RARB: variants seen among roughly 807,000 people sequenced by gnomAD.
RARB encodes the protein HBV-activated protein.
RARB carries 17 observed loss-of-function variants against 51.9 expected under a neutral mutation model. That is an observed-to-expected ratio of 0.33 (90% CI 0.22 to 0.49). The LOEUF (loss-of-function observed/expected upper bound fraction) is 0.49. Ranked by LOEUF, RARB falls within the 20% of genes least tolerant of loss-of-function variation. The pLI, the probability that RARB is intolerant of heterozygous loss-of-function variation, is 0.99. For synonymous variants in RARB, 215 were observed against 195.4 expected (o/e 1.10, Z -0.84); for missense variants, 369 against 550.8 (o/e 0.67, Z 3.30).
At chr3:25,002,718 T>A (rs772952104) in intron 2 of RARB, among the ~76,000 whole-genome samples, 17 of 148,360 alleles carry the variant, frequency 1.1e-4, no homozygotes, top group Non-Finnish European at 2.1e-4. Flanking sequence ...AATCTATATA[T>A]GTGTCACATA....
intron 2 of RARB, among the ~76,000 whole-genome samples, chr3:24,864,910 A>G (rs1365222788): frequency 6.6e-6 from 1 of 152,146 alleles, no homozygotes; most frequent in East Asian, 1.9e-4. Flanking sequence ...ATTTGTAATA[A>G]CTTTCCAGGT....
chr3:25,035,926 G>A (rs188618026), intron 2 of RARB, among the ~76,000 whole-genome samples: 62 of 152,228 alleles, frequency 4.1e-4, no homozygotes, highest in Non-Finnish European at 7.2e-4. Flanking sequence ...GTAACTAAAT[G>A]GTGAACTGCC....
chr3:25,098,950 A>G (rs1330371814), intron 3 of RARB, among the ~76,000 whole-genome samples: 1 of 152,208 alleles, frequency 6.6e-6, no homozygotes, highest in Non-Finnish European at 1.5e-5. Flanking sequence ...AAGATATTTA[A>G]GATGCTGCAG....
chr3:25,378,806 T>C (rs1706541546), intron 5 of RARB, among the ~76,000 whole-genome samples: 1 of 152,186 alleles, frequency 6.6e-6, no homozygotes, highest in South Asian at 2.1e-4. Flanking sequence ...GATAAGAATG[T>C]GTGTCTTGGT....
Position 25,302,848 on chromosome 3 carries a change from T to A in RARB, c.178+128273T>A, listed in dbSNP as rs41514046. Among the ~76,000 whole-genome samples, 1,200 of 152,346 alleles carry A rather than the reference T, an allele frequency of 7.9e-3. 9 individuals carry two copies. The highest frequency in any genetic ancestry group is 0.028 in the African/African-American group (1,149 of 41,578). ...ATCAAACAAGGCCCTGTGAGTAAGG[T>A]TCCACTTATCCACACTTTTGTGGTT... is the stretch of plus-strand genomic sequence containing the variant. On this transcript the variant is annotated intron_variant, in intron 5 of 11. Transcript: ENST00000383772.
intron 3 of RARB, among the ~76,000 whole-genome samples, chr3:25,532,075 T>A (rs1012687712): frequency 6.6e-6 from 1 of 152,164 alleles, no homozygotes; most frequent in Admixed American, 6.5e-5. Flanking sequence ...CTTGACATGA[T>A]TTATTTTATT....
chr3:25,427,734 C>G (rs775378017), upstream of RARB, among the ~76,000 whole-genome samples: 1 of 152,200 alleles, frequency 6.6e-6, no homozygotes, highest in East Asian at 1.9e-4. Flanking sequence ...TTTCCCAACC[C>G]AAGCCTTTCC....
intron 5 of RARB, among the ~76,000 whole-genome samples, chr3:25,238,534 T>C (rs1702356669): frequency 6.6e-6 from 1 of 152,204 alleles, no homozygotes; most frequent in Admixed American, 6.5e-5. Flanking sequence ...AGGAATGGAA[T>C]TGCTGGATTG....
At chr3:25,023,124 T>TCC (rs1297103046) in intron 2 of RARB, among the ~76,000 whole-genome samples, 2 of 151,776 alleles carry the variant, frequency 1.3e-5, no homozygotes, top group African/African-American at 2.4e-5. Context: ...CAGTAAGGAG[T>TCC]CCCCTTTCTG....
At chr3:24,891,679 T>A (rs1396275320) in intron 2 of RARB, among the ~76,000 whole-genome samples, 1 of 152,090 alleles carries the variant, frequency 6.6e-6, no homozygotes, top group African/African-American at 2.4e-5. Flanking sequence ...CAGCCAAACA[T>A]GAACAGATGC....
At chr3:25,000,606 C>CT (rs1697139618) in intron 2 of RARB, among the ~76,000 whole-genome samples, 1 of 152,020 alleles carries the variant, frequency 6.6e-6, no homozygotes, top group Non-Finnish European at 1.5e-5. Flanking sequence ...CCCCTGGTCT[C>CT]TAAGAAAAAT....
rs1291771123 is a variant in RARB at position 25,267,341 on chromosome 3, A to T, written c.178+92766A>T. Among the ~76,000 whole-genome samples the T allele has an allele frequency of 2.0e-5, 3 of 152,250 alleles. No individual in the cohort carries two copies. In the East Asian group the frequency reaches 5.8e-4, roughly 29 times the overall value. On this transcript the variant is annotated intron_variant, in intron 5 of 11. Transcript: ENST00000383772. ...ATGGAAAGCCTTTAAATGTTAAAGC[A>T]GTGAAGGCCTCTCTTAGAGGCCAAA...
chr3:25,059,748 C>A (rs1251890319), intron 2 of RARB, among the ~76,000 whole-genome samples: 1 of 151,470 alleles, frequency 6.6e-6, no homozygotes, highest in Non-Finnish European at 1.5e-5. Context: ...ACAAAACCTC[C>A]TATTTAAAAA....
chr3:25,520,679 G>T (rs1698364032), intron 3 of RARB, among the ~76,000 whole-genome samples: 1 of 152,082 alleles, frequency 6.6e-6, no homozygotes, highest in Non-Finnish European at 1.5e-5. Flanking sequence ...CACTAGCGTT[G>T]GAACAGGTAA....
In RARB at chr3:25,461,464, C is replaced by G; in HGVS notation, c.306+123C>G. The stretch of plus-strand genomic sequence containing the variant: ...TCACCTCCCATAAGTGTGGTGAATT[C>G]AGTTATATTCAGTGGTTTTTATTAC... On this transcript the variant is annotated intron_variant, in intron 2 of 7. Coordinates refer to ENST00000330688, the MANE Select transcript of RARB (RefSeq NM_000965.5). 4 of 1,107,838 alleles carry G rather than the reference C, an allele frequency of 3.6e-6. No homozygotes were observed. The South Asian group carries it at 7.2e-5, about 20-fold the overall frequency. The allele number at this position is 1,107,838 out of a possible 1,614,324, so 68.6% of individuals were successfully genotyped here.
At chr3:25,068,326 CCTAT>C (rs1268089143) in intron 3 of RARB, among the ~76,000 whole-genome samples, 1 of 151,596 alleles carries the variant, frequency 6.6e-6, no homozygotes, top group Non-Finnish European at 1.5e-5. Flanking sequence ...TCCATTTTGA[CCTAT>C]CTCAGTTTGT....
chr3:25,315,730 C>T (rs891252259), intron 5 of RARB, among the ~76,000 whole-genome samples: 7 of 152,162 alleles, frequency 4.6e-5, no homozygotes, highest in Admixed American at 4.6e-4. Flanking sequence ...TCTCGTGCCT[C>T]AGCCTCCAGA....
At chr3:25,075,874 G>A (rs895672894) in intron 3 of RARB, among the ~76,000 whole-genome samples, 1 of 152,192 alleles carries the variant, frequency 6.6e-6, no homozygotes, top group Non-Finnish European at 1.5e-5. Flanking sequence ...TCAACAAATT[G>A]AAGAGTTATC....
intron 4 of RARB, among the ~76,000 whole-genome samples, chr3:25,173,726 A>T (rs996435968): frequency 1.3e-5 from 2 of 152,240 alleles, no homozygotes; most frequent in African/African-American, 2.4e-5. Context: ...CTCTTCTAGG[A>T]GCTTAAAGCA....
Sources: gnomAD v4.1 joint callset for allele counts (sites outside exome capture counted in the v4.1 genomes callset) on GRCh38, gnomAD v4.1.1 for gene constraint, MANE v1.5 for transcripts, NCBI Gene and HGNC (gene_info 2026-07-23, HGNC 2026-07-21) for gene names.